Variants in SHOC1 observed in about 807,000 individuals in gnomAD.
SHOC1 encodes shortage in chiasmata 1.
SHOC1 carries 136 observed loss-of-function variants against 179.2 expected under a neutral mutation model. That is an observed-to-expected ratio of 0.76 (90% CI 0.66 to 0.87). SHOC1 has a LOEUF of 0.87. Among genes scored for constraint, SHOC1 ranks in the 40% least tolerant of loss-of-function variants. The pLI, the probability that SHOC1 is intolerant of heterozygous loss-of-function variation, is 0.00. For synonymous variants in SHOC1, 489 were observed against 586.6 expected, an observed-to-expected ratio of 0.83 and a Z score of 2.41; for missense variants, 1,538 against 1,700.8, an observed-to-expected ratio of 0.90 and a Z score of 1.68.
chr9:111,731,014 TC>T (rs1257045544), intron 12 of SHOC1, among the ~76,000 whole-genome samples: 1 of 152,336 alleles, frequency 6.6e-6, no homozygotes, highest in African/African-American at 2.4e-5. Context: ...ATGACTTTTT[TC>T]CTTAAACTTC....
In SHOC1 at chr9:111,738,301, T is replaced by C. The variant is rs2131484450; in HGVS notation, c.1396A>G (p.Thr466Ala). The change falls in exon 12 of 28, where the codon ACG becomes GCG. Residue 466 changes from threonine (T) to alanine (A), a missense_variant. Thr to Ala is a moderately conservative substitution (Grantham distance 58). Transcript: ENST00000682961. ...TTACATTCTAATTGAAGCACTTTCG[T>C]AGGCAAAAATATCTCAATTTTAGTG... ...NDTKIEIFLP[T>A]KVLQLESCLE... is the part of the protein sequence containing the mutation. The C allele has an allele frequency of 6.2e-7, 1 of 1,611,072 alleles. No individual in the cohort carries two copies. Among genetic ancestry groups the C allele is most frequent in the Non-Finnish European group, 8.5e-7 (1 of 1,178,556 alleles).
chr9:111,734,687 A>G lies in SHOC1; in HGVS notation c.1417+3593T>C, dbSNP rs577741307. On this transcript the variant is annotated intron_variant, in intron 12 of 27. Transcript: ENST00000682961. ...TACTAGTGAGCCACAGGAGTACACT[A>G]TAGAAATGAGTGGAAACAGAGACAG... 5.3e-5 allele frequency among the ~76,000 whole-genome samples: 8 copies of G among 152,336 alleles called. No homozygotes were observed. The South Asian group carries it at 1.7e-3, about 32-fold the overall frequency.
At chr9:111,716,025 G>A (rs1298433716) in intron 16 of SHOC1, among the ~76,000 whole-genome samples, 1 of 152,022 alleles carries the variant, frequency 6.6e-6, no homozygotes. Flanking sequence ...CCATTATACA[G>A]AGAGAAAGAA....
chr9:111,712,114 G>A (rs189928232), intron 18 of SHOC1, among the ~76,000 whole-genome samples: 16 of 152,280 alleles, frequency 1.1e-4, no homozygotes, highest in Admixed American at 4.6e-4. Context: ...AGGTAGGACC[G>A]TTCTGCATTA....
At chr9:111,786,126 A>G (rs972701015) in intron 2 of SHOC1, 91 bp from the exon 3 acceptor site, 4 of 937,336 alleles carry the variant, frequency 4.3e-6, no homozygotes, top group African/African-American at 1.7e-5. Flanking sequence ...TTTGAAACTT[A>G]TATGATTTTT....
rs1431804745 is a variant in SHOC1 at position 111,723,118 on chromosome 9, T to G, written c.1955-533A>C. 4.6e-5 allele frequency among the ~76,000 whole-genome samples: 7 copies of G among 152,196 alleles called. No individual in the cohort carries two copies. In the East Asian group the frequency reaches 1.2e-3, roughly 25 times the overall value. On this transcript the variant is annotated intron_variant, in intron 14 of 27. Coordinates refer to ENST00000682961, the MANE Select transcript of SHOC1 (RefSeq NM_001378211.1). ...AGAGAGGATTTATTCCATAATTAAC[T>G]TGACATGGCAAATATAAAGACCCAT...
rs533427199 is a variant in SHOC1, at chr9:111,785,249, AGCACTCCCTACTCCC to A, written c.169+648_169+662del. ...CATTTCCCTAACTATCTTAGGAAAT[AGCACTCCCTACTCCC>A]GCAATTTCATATCACTTAGCATTAC... On this transcript the variant is annotated intron_variant, in intron 3 of 27. Coordinates refer to ENST00000682961, the MANE Select transcript of SHOC1 (RefSeq NM_001378211.1). 1.8e-3 allele frequency among the ~76,000 whole-genome samples: 270 copies of A among 152,290 alleles called. 1 individual carries two copies. The highest frequency in any genetic ancestry group is 1.7e-3 in the Non-Finnish European group (119 of 68,020).
intron 5 of SHOC1, among the ~76,000 whole-genome samples, chr9:111,771,934 C>T (rs901764943): frequency 6.6e-6 from 1 of 152,046 alleles, no homozygotes; most frequent in East Asian, 1.9e-4. Flanking sequence ...CAGACCTTCC[C>T]GTACTGGAGA....
intron 12 of SHOC1, among the ~76,000 whole-genome samples, chr9:111,730,470 A>G (rs1589417915): frequency 3.3e-5 from 5 of 152,228 alleles, no homozygotes; most frequent in Admixed American, 3.3e-4. Flanking sequence ...TTGTGTTAGC[A>G]GACATGAAAA....
intron 11 of SHOC1, among the ~76,000 whole-genome samples, chr9:111,740,507 T>C (rs1833984640): frequency 6.6e-6 from 1 of 152,214 alleles, no homozygotes; most frequent in Non-Finnish European, 1.5e-5. Context: ...CAGATAAATT[T>C]TGAATATACA....
intron 16 of SHOC1, among the ~76,000 whole-genome samples, chr9:111,717,644 CA>C (rs1179643623): frequency 6.7e-6 from 1 of 149,186 alleles, no homozygotes; most frequent in African/African-American, 2.5e-5. Flanking sequence ...GGGCCTAAAG[CA>C]GTAATGTAGT....
intron 5 of SHOC1, among the ~76,000 whole-genome samples, chr9:111,773,699 C>A (rs1053056351): frequency 1.3e-5 from 2 of 152,124 alleles, no homozygotes; most frequent in African/African-American, 4.8e-5. Flanking sequence ...TTAAGAGTTT[C>A]ATGTATTAAC....
chr9:111,699,858 A>G (rs1831878287), intron 24 of SHOC1, 96 bp downstream of exon 24: 1 of 655,082 alleles, frequency 1.5e-6, no homozygotes, highest in Non-Finnish European at 2.6e-6. Context: ...TTTTTAATTC[A>G]TTTGCTTAAC....
At chr9:111,788,470 T>C (rs560314305) in intron 2 of SHOC1, among the ~76,000 whole-genome samples, 10 of 152,310 alleles carry the variant, frequency 6.6e-5, no homozygotes, top group Non-Finnish European at 1.2e-4. Flanking sequence ...GACTTTATTG[T>C]GATATTTGCT....
chr9:111,704,023 A>G (rs758477320), intron 21 of SHOC1, 31 bp from the exon 22 acceptor site: 1 of 1,156,442 alleles, frequency 8.6e-7, no homozygotes, highest in Non-Finnish European at 1.2e-6. Context: ...GAGTGAAAAA[A>G]TGAAATGCTA....
In SHOC1 at chr9:111,703,910, T is replaced by C. The variant is rs143839339; in HGVS notation, c.2938A>G (p.Ile980Val). 1.7e-5 allele frequency: 27 copies of C among 1,606,520 alleles called. No homozygotes were observed. The highest frequency in any genetic ancestry group is 2.2e-5 in the Non-Finnish European group (26 of 1,175,728). ...AAAATTATGGCAGTGTGTTCATCAA[T>C]TGTCACCACTACATAACACTCTGAA... Reference protein sequence around the residue: ...GSSECYVVVTIDEHTAIILQD... With the variant: ...GSSECYVVVTVDEHTAIILQD... Residue 980 changes from isoleucine (I) to valine (V), a missense_variant, in exon 22 of 28, where the codon ATT (isoleucine) becomes GTT (valine). Coordinates refer to ENST00000682961, the MANE Select transcript of SHOC1 (RefSeq NM_001378211.1).
chr9:111,735,820 C>T (rs1337640745), intron 12 of SHOC1, among the ~76,000 whole-genome samples: 5 of 152,196 alleles, frequency 3.3e-5, no homozygotes, highest in Admixed American at 3.3e-4. Flanking sequence ...AAAAGCATTT[C>T]TATTTTTCCA....
chr9:111,695,185 G>A (rs1374731211), intron 24 of SHOC1, among the ~76,000 whole-genome samples: 2 of 151,976 alleles, frequency 1.3e-5, no homozygotes, highest in African/African-American at 2.4e-5. Context: ...GCAGTTTAAC[G>A]TGAACAGAGA....
chr9:111,719,800 C>T (rs1832954525), intron 15 of SHOC1, among the ~76,000 whole-genome samples: 1 of 152,040 alleles, frequency 6.6e-6, no homozygotes, highest in Admixed American at 6.6e-5. Flanking sequence ...ATGTTGCTCC[C>T]CTCAAAGACT....
Sources: allele counts gnomAD v4.1 joint callset (sites outside exome capture counted in the v4.1 genomes callset), GRCh38; gene constraint gnomAD v4.1.1; transcripts MANE v1.5; gene names NCBI Gene and HGNC (gene_info 2026-07-23, HGNC 2026-07-21).